The following TGFB2 variants were observed in gnomAD, a reference collection of about 807,000 sequenced individuals.
TGFB2 encodes the protein transforming growth factor beta 2.
A neutral mutation model predicts 42.7 loss-of-function variants in TGFB2; 13 were observed. The ratio of observed to expected loss-of-function variants is 0.30; its 90% confidence interval spans 0.20 to 0.48. The LOEUF is 0.48. Among genes scored for constraint, TGFB2 ranks in the 20% least tolerant of loss-of-function variants. The probability of loss-of-function intolerance (pLI) is 0.99; values close to 1 mark genes in which losing one functional copy is unlikely to be tolerated. For synonymous variants in TGFB2, 193 were observed against 193.6 expected, an observed-to-expected ratio of 1.00 and a Z score of 0.03; for missense variants, 390 against 517.5, an observed-to-expected ratio of 0.75 and a Z score of 2.39.
intron 1 of TGFB2, among the ~76,000 whole-genome samples, chr1:218,378,301 C>G (rs916385649): frequency 5.3e-5 from 8 of 152,124 alleles, no homozygotes; most frequent in Non-Finnish European, 1.2e-4. Context: ...CTCAGCCTCT[C>G]GAGTAGTTGG....
In TGFB2 at chr1:218,441,399, A is replaced by G. The variant is rs746621591; in HGVS notation, c.*37A>G. 6.4e-7 allele frequency: 1 copy of G among 1,563,340 alleles called. No homozygotes were observed. Among genetic ancestry groups the G allele is most frequent in the East Asian group, 2.3e-5 (1 of 44,360 alleles). On this transcript the variant is annotated 3_prime_UTR_variant, in exon 7 of 7. Transcript: ENST00000366930. Reference sequence around the variant, plus strand: ...AAGTGGCAAGACCAAAATGACAATGATGATGATAATGATGATGACGACGAC... The same window carrying G: ...AAGTGGCAAGACCAAAATGACAATGGTGATGATAATGATGATGACGACGAC...
intron 2 of TGFB2, among the ~76,000 whole-genome samples, chr1:218,433,073 T>C (rs1323656481): frequency 2.7e-5 from 4 of 146,578 alleles, no homozygotes; most frequent in African/African-American, 1.1e-4. Context: ...TTTTTCTTTA[T>C]TTTTTTTGTT....
chr1:218,379,242 C>G (rs11118093), intron 1 of TGFB2, among the ~76,000 whole-genome samples: 45,836 of 150,622 alleles, frequency 0.3, 8,511 homozygotes, highest in African/African-American at 0.51. Context: ...ACGCCATTCT[C>G]CTGCCTCAGC....
chr1:218,401,333 T>C (rs1658712084), intron 1 of TGFB2, among the ~76,000 whole-genome samples: 2 of 152,186 alleles, frequency 1.3e-5, no homozygotes, highest in African/African-American at 2.4e-5. Context: ...TCAGGTTTTT[T>C]TTCTCTCCCT....
chr1:218,408,952 A>G (rs1167702602), intron 2 of TGFB2, among the ~76,000 whole-genome samples: 1 of 152,182 alleles, frequency 6.6e-6, no homozygotes, highest in Non-Finnish European at 1.5e-5. Context: ...TCCTGCAACT[A>G]TATATGGTCC....
chr1:218,405,945 G>T (rs1377274228), intron 2 of TGFB2, among the ~76,000 whole-genome samples: 1 of 152,078 alleles, frequency 6.6e-6, no homozygotes, highest in African/African-American at 2.4e-5. Flanking sequence ...AAGTCAACCC[G>T]TTAAACTATA....
At chr1:218,424,593 G>A (rs1659560256) in intron 2 of TGFB2, among the ~76,000 whole-genome samples, 1 of 152,174 alleles carries the variant, frequency 6.6e-6, no homozygotes, top group East Asian at 1.9e-4. Context: ...AGATGTTTCT[G>A]AAGCAGGCTA....
Position 218,358,504 on chromosome 1 carries a change from T to C in TGFB2, c.346+11457T>C, listed in dbSNP as rs75767133. On this transcript the variant is annotated intron_variant, in intron 1 of 6. Coordinates refer to ENST00000366930, the MANE Select transcript of TGFB2 (RefSeq NM_003238.6). ...TTTTCACTTTTGCTTTGACATCTTA[T>C]GGCAATATGACTGCAGTTGTTTCTA... Among the ~76,000 whole-genome samples the C allele has an allele frequency of 2.4e-3, 360 of 152,114 alleles. 3 individuals carry two copies. The highest frequency in any genetic ancestry group is 8.4e-3 in the African/African-American group (347 of 41,498).
At chr1:218,412,051 A>G (rs922425959) in intron 2 of TGFB2, among the ~76,000 whole-genome samples, 7 of 152,196 alleles carry the variant, frequency 4.6e-5, no homozygotes, top group Non-Finnish European at 1.0e-4. Flanking sequence ...CCCACTGTGT[A>G]AAGTAAAGTA....
intron 1 of TGFB2, among the ~76,000 whole-genome samples, chr1:218,348,996 C>T (rs1017351513): frequency 4.6e-5 from 7 of 152,096 alleles, no homozygotes; most frequent in African/African-American, 1.4e-4. Flanking sequence ...TGATCCAACC[C>T]AGGGTCATGG....
intron 2 of TGFB2, among the ~76,000 whole-genome samples, chr1:218,423,475 TGG>T (rs1297743352): frequency 3.3e-5 from 5 of 152,124 alleles, no homozygotes; most frequent in African/African-American, 1.2e-4. Flanking sequence ...ATTGAAAAAC[TGG>T]GCTTCAAGTT....
rs1178678210 is a variant in TGFB2, at chr1:218,401,679, C to T, written c.347-3490C>T. 2.6e-5 allele frequency among the ~76,000 whole-genome samples: 4 copies of T among 152,112 alleles called. No homozygotes were observed. The East Asian group carries it at 7.7e-4, about 29-fold the overall frequency. On this transcript the variant is annotated intron_variant, in intron 1 of 6. Coordinates refer to ENST00000366930, the MANE Select transcript of TGFB2 (RefSeq NM_003238.6). ...GGATGCGCATTACAGAGGACTTTAG[C>T]GAGAACTCCCATTCCAAAGGGGGAA...
intron 1 of TGFB2, among the ~76,000 whole-genome samples, chr1:218,392,339 C>T (rs931592481): frequency 4.6e-5 from 7 of 152,084 alleles, no homozygotes; most frequent in African/African-American, 1.4e-4. Flanking sequence ...GACGACAGAG[C>T]AAGACTCCGT....
chr1:218,428,078 T>C (rs888851274), intron 2 of TGFB2, among the ~76,000 whole-genome samples: 2 of 152,262 alleles, frequency 1.3e-5, no homozygotes, highest in African/African-American at 2.4e-5. Flanking sequence ...ATTTCTCTGA[T>C]GGCCAGTGAT....
intron 1 of TGFB2, among the ~76,000 whole-genome samples, chr1:218,348,298 T>C (rs1403037905): frequency 6.6e-6 from 1 of 152,220 alleles, no homozygotes; most frequent in Non-Finnish European, 1.5e-5. Flanking sequence ...GCAAAGTCTC[T>C]GTGTCTTGCC....
chr1:218,379,449 T>C (rs1047737822), intron 1 of TGFB2, among the ~76,000 whole-genome samples: 1 of 150,694 alleles, frequency 6.6e-6, no homozygotes, highest in African/African-American at 2.4e-5. Context: ...CTTTTCTTTA[T>C]TTTTTAATTT....
chr1:218,423,530 G>A (rs1358100812), intron 2 of TGFB2, among the ~76,000 whole-genome samples: 4 of 152,126 alleles, frequency 2.6e-5, no homozygotes, highest in Non-Finnish European at 5.9e-5. Context: ...TTGTTTTTTA[G>A]GAGAAAACTG....
intron 1 of TGFB2, among the ~76,000 whole-genome samples, chr1:218,386,556 A>G (rs1267016744): frequency 2.0e-5 from 3 of 152,242 alleles, no homozygotes; most frequent in Non-Finnish European, 4.4e-5. Flanking sequence ...CTACTGAATC[A>G]GGCTCAAGCC....
chr1:218,401,453 G>A (rs1329395535), intron 1 of TGFB2, among the ~76,000 whole-genome samples: 1 of 152,170 alleles, frequency 6.6e-6, no homozygotes, highest in Non-Finnish European at 1.5e-5. Flanking sequence ...TCCCCGGGAG[G>A]AAGGCCCATG....
Sources: gnomAD v4.1 joint callset for allele counts (sites outside exome capture counted in the v4.1 genomes callset) on GRCh38, gnomAD v4.1.1 for gene constraint, MANE v1.5 for transcripts, NCBI Gene and HGNC (gene_info 2026-07-23, HGNC 2026-07-21) for gene names.